EDDM3A: variants seen among roughly 807,000 people sequenced by gnomAD.
EDDM3A encodes the protein epididymal secretory protein E3-alpha.
For missense variants in EDDM3A, 199 were observed against 177.4 expected (o/e 1.12, Z -0.69); for synonymous variants, 75 against 60.4 (o/e 1.24, Z -1.12).
chr14:20,738,506 T>TAAATAAATAAATAAAC, the EDDM3A span, among the ~76,000 whole-genome samples: 24 of 144,320 alleles, frequency 1.7e-4, no homozygotes, highest in African/African-American at 5.8e-4. Flanking sequence ...AATAAATAAA[T>TAAATAAATAAATAAAC]AAACAGTAGC....
rs1282424965 is a variant in EDDM3A, at chr14:20,747,861, T to A, written c.281T>A (p.Val94Glu). ...KGSDRYRNAY[V>E]WAPGALKVLE... ...AGCGACCGATATAGAAATGCATATGTATGGGCCCCAGGTGCCCTCAAAGTA... is the reference window on the plus strand; with the variant it reads ...AGCGACCGATATAGAAATGCATATGAATGGGCCCCAGGTGCCCTCAAAGTA... The change falls in exon 2 of 2, where the codon GTA (valine) becomes GAA (glutamate). Residue 94 changes from valine to glutamate, a missense_variant. Coordinates refer to ENST00000326842, the MANE Select transcript of EDDM3A (RefSeq NM_006683.5). 1 of 1,614,138 alleles carries A rather than the reference T, an allele frequency of 6.2e-7. No individual in the cohort carries two copies.
chr14:20,742,175 C>A (rs1425837306), upstream of EDDM3A, among the ~76,000 whole-genome samples: 1 of 152,206 alleles, frequency 6.6e-6, no homozygotes, highest in African/African-American at 2.4e-5. Flanking sequence ...TCTCTCATCC[C>A]TGAAGAATTC....
In EDDM3A at chr14:20,748,147, ACTT is replaced by A. The variant is rs141480179; in HGVS notation, c.*124_*126del. ...ATTTATGTGTCAGTGTTTTCCAACT[ACTT>A]AGAGTTTATGTACCTCGTGATTTCT... On this transcript the variant is annotated 3_prime_UTR_variant, in exon 2 of 2. Coordinates refer to ENST00000326842, the MANE Select transcript of EDDM3A (RefSeq NM_006683.5). The A allele has an allele frequency of 1.4e-3, 953 of 684,432 alleles. 12 individuals are homozygous for A. In the East Asian group the frequency reaches 0.024, roughly 17 times the overall value. The allele number at this position is 684,432 out of a possible 1,614,324, so 42.4% of individuals were successfully genotyped here.
At chr14:20,737,423 T>C in the EDDM3A span, among the ~76,000 whole-genome samples, 21 of 152,186 alleles carry the variant, frequency 1.4e-4, no homozygotes, top group Non-Finnish European at 2.5e-4. Flanking sequence ...GGATTTCTAA[T>C]ACAAAACTAC....
chr14:20,736,233 C>G, the EDDM3A span, among the ~76,000 whole-genome samples: 13 of 152,044 alleles, frequency 8.6e-5, no homozygotes, highest in Non-Finnish European at 1.6e-4. Flanking sequence ...CCACAGCTTC[C>G]TGAGTAGCTG....
chr14:20,740,648 T>TTTTTG, the EDDM3A span, among the ~76,000 whole-genome samples: 9 of 151,106 alleles, frequency 6.0e-5, no homozygotes, highest in East Asian at 1.9e-4. Context: ...GAAATCTGTT[T>TTTTTG]TTTTGTTTTG....
chr14:20,747,384 A>T (rs1316660870), intron 1 of EDDM3A, among the ~76,000 whole-genome samples, 171 bp from the exon 2 acceptor site: 1 of 152,194 alleles, frequency 6.6e-6, no homozygotes, highest in Non-Finnish European at 1.5e-5. Context: ...GGTATAAGCC[A>T]CTGTGCCCAG....
intron 1 of EDDM3A, among the ~76,000 whole-genome samples, chr14:20,746,710 G>C (rs1432391753): frequency 6.6e-6 from 1 of 152,156 alleles, no homozygotes; most frequent in Non-Finnish European, 1.5e-5. Context: ...CCCAGACTTT[G>C]GGGAAAGTGT....
At chr14:20,737,598 G>T in the EDDM3A span, among the ~76,000 whole-genome samples, 1 of 152,132 alleles carries the variant, frequency 6.6e-6, no homozygotes, top group Non-Finnish European at 1.5e-5. Flanking sequence ...CTTTCCTAAG[G>T]ATGACACATC....
rs1243393712 is a variant in EDDM3A, at chr14:20,747,746, GA to G, written c.171del (p.Glu58ArgfsTer3). 1 of 1,613,980 alleles carries G rather than the reference GA, an allele frequency of 6.2e-7. No individual in the cohort carries two copies. The highest frequency in any genetic ancestry group is 8.5e-7 in the Non-Finnish European group (1 of 1,180,006). ...KEYKCDVLMREKEALKGKSFH... is the reference protein window; with the variant it reads ...KEYKCDVLMRXKEALKGKSFH... ...GTACAAATGTGATGTCCTCATGAGA[GA>G]AAAAGAGGCTCTGAAAGGCAAGAGC... On this transcript the variant is annotated frameshift_variant, in exon 2 of 2. Coordinates refer to ENST00000326842, the MANE Select transcript of EDDM3A (RefSeq NM_006683.5). LOFTEE classifies it low-confidence loss of function (END_TRUNC).
chr14:20,747,559 G>T lies in EDDM3A; in HGVS notation c.-22G>T, dbSNP rs75387363. 2.7e-5 allele frequency: 42 copies of T among 1,561,798 alleles called. No homozygotes were observed. The African/African-American group carries it at 5.3e-4, about 20-fold the overall frequency. ...TTTTCTTTCTCTTCCCTGTAGACAC[G>T]CAGGTGGACGTGGTGACTGAGATGA... is the stretch of plus-strand genomic sequence containing the variant. On this transcript the variant is annotated 5_prime_UTR_variant, in exon 2 of 2. Transcript: ENST00000326842.
At chr14:20,745,252 C>A (rs1203620394), upstream of EDDM3A, among the ~76,000 whole-genome samples, 1 of 147,056 alleles carries the variant, frequency 6.8e-6, no homozygotes, top group Admixed American at 6.8e-5. Flanking sequence ...AAAGACCAGG[C>A]ACAGCGAGTC....
At chr14:20,744,728 T>C (rs1877532400), upstream of EDDM3A, among the ~76,000 whole-genome samples, 1 of 152,216 alleles carries the variant, frequency 6.6e-6, no homozygotes, top group African/African-American at 2.4e-5. Flanking sequence ...TATAGTAGCA[T>C]TGTAGAAACT....
intron 1 of EDDM3A, among the ~76,000 whole-genome samples, 182 bp from the exon 2 acceptor site, chr14:20,747,373 G>A (rs765865299): frequency 7.9e-5 from 12 of 152,050 alleles, no homozygotes; most frequent in Admixed American, 3.9e-4. Context: ...CTGGGATTAC[G>A]GGTATAAGCC....
chr14:20,739,693 A>C, the EDDM3A span, among the ~76,000 whole-genome samples: 1 of 152,252 alleles, frequency 6.6e-6, no homozygotes, highest in East Asian at 1.9e-4. Context: ...CCATTGTGTT[A>C]ATTTGCAGTT....
upstream of EDDM3A, among the ~76,000 whole-genome samples, chr14:20,744,173 A>T (rs1877516528): frequency 1.3e-5 from 2 of 152,190 alleles, no homozygotes; most frequent in African/African-American, 4.8e-5. Context: ...AGAGGCCCAG[A>T]ATTGTTCCTG....
Position 20,748,119 on chromosome 14 carries a change from T to A in EDDM3A, c.*95T>A. The A allele has an allele frequency of 1.2e-6, 1 of 848,908 alleles. No individual in the cohort carries two copies. Among genetic ancestry groups the A allele is most frequent in the Non-Finnish European group, 1.8e-6 (1 of 546,678 alleles). The allele number at this position is 848,908 out of a possible 1,614,324, so 52.6% of individuals were successfully genotyped here. ...TCAATAGCCCCTGCCACTCCCCGCT[T>A]ACATTTATGTGTCAGTGTTTTCCAA... On this transcript the variant is annotated 3_prime_UTR_variant, in exon 2 of 2. Transcript: ENST00000326842.
At chr14:20,742,771 T>C (rs78997105), upstream of EDDM3A, among the ~76,000 whole-genome samples, 1,101 of 152,182 alleles carry the variant, frequency 7.2e-3, 15 homozygotes, top group African/African-American at 0.025. Context: ...TTTCTTTTTT[T>C]TTTTTGGTAG....
rs1313506281 is a variant in EDDM3A, at chr14:20,747,573, T to A, written c.-8T>A. The A allele has an allele frequency of 3.1e-6, 5 of 1,589,628 alleles. No individual in the cohort carries two copies. Among genetic ancestry groups the A allele is most frequent in the Non-Finnish European group, 4.3e-6 (5 of 1,167,808 alleles). ...CCTGTAGACACGCAGGTGGACGTGG[T>A]GACTGAGATGACATCCTCTCTAAAG... On this transcript the variant is annotated 5_prime_UTR_variant, in exon 2 of 2. Coordinates refer to ENST00000326842, the MANE Select transcript of EDDM3A (RefSeq NM_006683.5).
Sources: gnomAD v4.1 joint callset for allele counts (sites outside exome capture counted in the v4.1 genomes callset) on GRCh38, gnomAD v4.1.1 for gene constraint, MANE v1.5 for transcripts, NCBI Gene and HGNC (gene_info 2026-07-23, HGNC 2026-07-21) for gene names.